IFT140: variants seen among roughly 807,000 people sequenced by gnomAD.
IFT140 encodes the protein intraflagellar transport protein 140 homolog.
In IFT140, 133 loss-of-function variants were observed where a neutral mutation model predicts 164.6. The observed-to-expected ratio is 0.81, with a 90% confidence interval of 0.70 to 0.93. The LOEUF is 0.93. IFT140 is among the 40% of genes least tolerant of loss of function. IFT140 has a pLI of 0.00. For synonymous variants in IFT140, 860 were observed against 817.3 expected (o/e 1.05, Z -0.89); for missense variants, 2,045 against 1,972.3 (o/e 1.04, Z -0.70).
chr16:1,532,609 G>A (rs1596316653), intron 19 of IFT140: 1 of 152,300 alleles, frequency 6.6e-6, no homozygotes. Context: ...ACCACAGGCT[G>A]GGAACAGGAC....
rs1209699738 is a variant in IFT140, at chr16:1,553,189, C to T, written c.2399+4746G>A. Reference sequence around the variant, plus strand: ...ACCCATCTCTTGCTCTCTGTCTCTCCTTCCCTGTGTCTCTGTCTCTGTCTC... The same window carrying T: ...ACCCATCTCTTGCTCTCTGTCTCTCTTTCCCTGTGTCTCTGTCTCTGTCTC... On this transcript the variant is annotated intron_variant, in intron 19 of 30. Transcript: ENST00000426508. The surrounding 1 kb of genome is among the most constrained non-coding windows in gnomAD (Gnocchi z 4.4). 1 of 984,330 alleles carries T rather than the reference C, an allele frequency of 1.0e-6. No individual in the cohort carries two copies. Among genetic ancestry groups the T allele is most frequent in the African/African-American group, 1.8e-5 (1 of 57,128 alleles). The allele number at this position is 984,330 out of a possible 1,614,324, so 61.0% of individuals were successfully genotyped here.
chr16:1,579,694 T>G (rs936102096), intron 13 of IFT140, among the ~76,000 whole-genome samples: 1 of 152,122 alleles, frequency 6.6e-6, no homozygotes, highest in African/African-American at 2.4e-5. Flanking sequence ...TGGCCAGGCG[T>G]GGTGGCTCAC....
intron 15 of IFT140, among the ~76,000 whole-genome samples, chr16:1,567,739 C>T (rs1392912413): frequency 1.3e-5 from 2 of 152,212 alleles, no homozygotes; most frequent in South Asian, 2.1e-4. Flanking sequence ...CTCCAAACAG[C>T]GCTGCCATGC....
At chr16:1,559,374 G>T (rs2033282142) in intron 18 of IFT140, among the ~76,000 whole-genome samples, 1 of 152,180 alleles carries the variant, frequency 6.6e-6, no homozygotes, top group African/African-American at 2.4e-5. Context: ...CTCTGTGAGG[G>T]AGGGACTGTC....
chr16:1,601,751 G>A (rs899349672), intron 4 of IFT140, among the ~76,000 whole-genome samples: 1 of 152,254 alleles, frequency 6.6e-6, no homozygotes, highest in Non-Finnish European at 1.5e-5. Context: ...CTGGAAGGCA[G>A]CAGCCAGGGG....
intron 19 of IFT140, among the ~76,000 whole-genome samples, chr16:1,550,331 C>T (rs753385617): frequency 3.3e-5 from 5 of 152,208 alleles, no homozygotes; most frequent in Non-Finnish European, 5.9e-5. Context: ...CACAGCCAAC[C>T]ATGCACAGGG....
chr16:1,595,904 T>C, intron 4 of IFT140, among the ~76,000 whole-genome samples: 1 of 151,920 alleles, frequency 6.6e-6, no homozygotes, highest in African/African-American at 2.4e-5. Flanking sequence ...AATATAAATA[T>C]TAGCTGGGTG....
At chr16:1,542,949 C>T (rs1430110816) in intron 19 of IFT140, among the ~76,000 whole-genome samples, 4 of 152,362 alleles carry the variant, frequency 2.6e-5, no homozygotes, top group South Asian at 2.1e-4. Flanking sequence ...AAGGGTCCTG[C>T]GGTGTTCTAG....
At chr16:1,597,938 C>CTG in intron 4 of IFT140, among the ~76,000 whole-genome samples, 1 of 152,146 alleles carries the variant, frequency 6.6e-6, no homozygotes, top group Non-Finnish European at 1.5e-5. Context: ...TTTCTCAACA[C>CTG]AGTCAAGCTG....
chr16:1,555,281 A>G lies in IFT140; in HGVS notation c.2399+2654T>C, dbSNP rs983354108. The G allele has an allele frequency of 2.5e-5, 12 of 482,968 alleles. 1 individual carries two copies. The South Asian group carries it at 3.2e-4, about 13-fold the overall frequency. The allele number at this position is 482,968 out of a possible 1,614,324, so 29.9% of individuals were successfully genotyped here. A position where few individuals can be genotyped will look rare whatever the true frequency, so the allele number is the denominator to read the frequency against. On this transcript the variant is annotated intron_variant, in intron 19 of 30. Transcript: ENST00000426508. The stretch of plus-strand genomic sequence containing the variant: ...GCAACGCGGCTCCACGACCACACGC[A>G]CTTCAGGGTGGAAGCTGGAAGCTGA...
chr16:1,554,267 G>T, intron 19 of IFT140: 1 of 460,574 alleles, frequency 2.2e-6, no homozygotes, highest in Non-Finnish European at 3.6e-6. Flanking sequence ...ATAGCTCTGG[G>T]CGCGATGAGC....
At chr16:1,585,143 C>T (rs2034800795) in intron 10 of IFT140, among the ~76,000 whole-genome samples, 1 of 152,214 alleles carries the variant, frequency 6.6e-6, no homozygotes, top group African/African-American at 2.4e-5. Context: ...AACGTGTACA[C>T]AAGTGTTCGT....
chr16:1,610,521 G>A (rs1028402029), intron 2 of IFT140, 143 bp downstream of exon 2: 2 of 153,110 alleles, frequency 1.3e-5, no homozygotes, highest in African/African-American at 4.8e-5. Context: ...GACTCGCGAG[G>A]GGCCGCGGGG....
rs767973939 is a variant in IFT140, at chr16:1,534,342, G to A, written c.2400-7546C>T. The A allele has an allele frequency of 9.3e-6, 15 of 1,612,726 alleles. No homozygotes were observed. Among genetic ancestry groups the A allele is most frequent in the African/African-American group, 2.7e-5 (2 of 74,932 alleles). On this transcript the variant is annotated intron_variant, in intron 19 of 30. Transcript: ENST00000426508. ...CCTGGTCTCACTCATCCTCAACAAC[G>A]TGGCGGCCTTCACCTCCAACTGGGT...
intron 9 of IFT140, 101 bp from the exon 10 acceptor site, chr16:1,586,376 C>T (rs1476151868): frequency 4.0e-6 from 5 of 1,243,312 alleles, no homozygotes; most frequent in East Asian, 2.4e-5. Flanking sequence ...CATCAGCCCT[C>T]GCCCAGTCTG....
chr16:1,535,269 G>A (rs1162186594), intron 19 of IFT140, among the ~76,000 whole-genome samples: 1 of 152,114 alleles, frequency 6.6e-6, no homozygotes, highest in Non-Finnish European at 1.5e-5. Flanking sequence ...GGTTGCAGAG[G>A]AGAGGAAGGG....
At position 1,520,161 on chromosome 16, in the gene IFT140, G is replaced by C. The variant is rs750757587; in HGVS notation, c.3843C>G (p.Leu1281=). 9 of 1,614,070 alleles carry C rather than the reference G, an allele frequency of 5.6e-6. No individual in the cohort carries two copies. The highest frequency in any genetic ancestry group is 3.3e-5 in the South Asian group (3 of 91,088). ...CACAAGCGTCATAAAAGCCAGCCAG[G>C]AGGTCCAGGGCCCGCCCCTTGGTGT... is the stretch of plus-strand genomic sequence containing the variant. ...GFYTKGRALD[L]LAGFYDACAQ... Residue 1281 remains leucine, a synonymous_variant, in exon 28 of 31, where the codon CTC becomes CTG. Coordinates refer to ENST00000426508, the MANE Select transcript of IFT140 (RefSeq NM_014714.4).
chr16:1,539,132 C>T (rs548555035), intron 19 of IFT140, among the ~76,000 whole-genome samples: 66 of 144,132 alleles, frequency 4.6e-4, no homozygotes, highest in Non-Finnish European at 7.0e-4. Context: ...GAGTGCCAGA[C>T]GGCCCCACGC....
At chr16:1,544,933 C>A (rs1321661195) in intron 19 of IFT140, among the ~76,000 whole-genome samples, 1 of 152,236 alleles carries the variant, frequency 6.6e-6, no homozygotes, top group Non-Finnish European at 1.5e-5. Flanking sequence ...CAAGCGTGAG[C>A]CACGGCACCC....
Sources: allele counts gnomAD v4.1 joint callset (sites outside exome capture counted in the v4.1 genomes callset), GRCh38; gene constraint gnomAD v4.1.1; non-coding constraint Gnocchi (gnomAD v3.1); transcripts MANE v1.5; gene names NCBI Gene and HGNC (gene_info 2026-07-23, HGNC 2026-07-21).